Variants in KCNIP4 observed in about 807,000 individuals in gnomAD.
KCNIP4 encodes the protein potassium voltage-gated channel interacting protein 4.
A neutral mutation model predicts 34.0 loss-of-function variants in KCNIP4; 12 were observed. The observed-to-expected ratio is 0.35, with a 90% CI of 0.23 to 0.57. KCNIP4 has a LOEUF of 0.57. KCNIP4 is among the 20% of genes least tolerant of loss of function. The pLI is 0.83. For synonymous variants in KCNIP4, 124 were observed against 102.2 expected (o/e 1.21, Z -1.29); for missense variants, 238 against 311.7 (o/e 0.76, Z 1.78).
intron 1 of KCNIP4, among the ~76,000 whole-genome samples, chr4:21,670,114 A>G (rs1294055004): frequency 6.6e-6 from 1 of 152,144 alleles, no homozygotes; most frequent in Non-Finnish European, 1.5e-5. Context: ...TCTTCGCTTA[A>G]GATTTGCTAC....
chr4:21,816,210 T>C (rs1338616485), intron 1 of KCNIP4, among the ~76,000 whole-genome samples: 2 of 152,144 alleles, frequency 1.3e-5, no homozygotes, highest in African/African-American at 4.8e-5. Flanking sequence ...ACTGCAAAAA[T>C]GTACCCTAAC....
chr4:20,829,960 G>A (rs529557193), intron 3 of KCNIP4, among the ~76,000 whole-genome samples: 33 of 152,164 alleles, frequency 2.2e-4, no homozygotes, highest in African/African-American at 7.0e-4. Context: ...CTCTTCGGAT[G>A]TCTAAGAGAC....
At chr4:21,416,584 G>T (rs1216776503) in intron 1 of KCNIP4, among the ~76,000 whole-genome samples, 1 of 152,128 alleles carries the variant, frequency 6.6e-6, no homozygotes, top group South Asian at 2.1e-4. Flanking sequence ...AAAGGAAAAT[G>T]GTTGGAAGAC....
chr4:21,075,365 T>C (rs548962335), intron 1 of KCNIP4, among the ~76,000 whole-genome samples: 1 of 152,342 alleles, frequency 6.6e-6, no homozygotes, highest in East Asian at 1.9e-4. Flanking sequence ...GCTCTTCTTG[T>C]TGAATTGATC....
intron 1 of KCNIP4, among the ~76,000 whole-genome samples, chr4:21,783,019 AG>A (rs983892370): frequency 1.3e-5 from 2 of 152,172 alleles, no homozygotes. Context: ...GCTGAAAAGG[AG>A]GTGGAGGTAA....
chr4:21,814,051 GT>G (rs895011004), intron 1 of KCNIP4, among the ~76,000 whole-genome samples: 43 of 152,016 alleles, frequency 2.8e-4, no homozygotes, highest in East Asian at 2.5e-3. Context: ...TGTCAAGCCG[GT>G]TTTTTTTAAT....
At chr4:21,409,351 C>CA (rs1415141836) in intron 1 of KCNIP4, among the ~76,000 whole-genome samples, 2 of 152,002 alleles carry the variant, frequency 1.3e-5, no homozygotes. Flanking sequence ...CTCCTGGCCT[C>CA]AAGTGATCCT....
chr4:20,789,836 A>G (rs1023330944), intron 3 of KCNIP4, among the ~76,000 whole-genome samples: 1 of 151,892 alleles, frequency 6.6e-6, no homozygotes, highest in African/African-American at 2.4e-5. Flanking sequence ...TCATGAGCTG[A>G]ATCAATGTTT....
At chr4:21,774,361 C>T (rs1238306437) in intron 1 of KCNIP4, among the ~76,000 whole-genome samples, 1 of 152,006 alleles carries the variant, frequency 6.6e-6, no homozygotes, top group Non-Finnish European at 1.5e-5. Flanking sequence ...CTCTGGCTGC[C>T]CTTAAAAGTT....
At chr4:21,649,303 A>G (rs1747291359) in intron 1 of KCNIP4, among the ~76,000 whole-genome samples, 1 of 152,218 alleles carries the variant, frequency 6.6e-6, no homozygotes, top group South Asian at 2.1e-4. Context: ...TGACAAGTAG[A>G]TGCTATCCAG....
At chr4:21,818,122 G>A (rs1423004303) in intron 1 of KCNIP4, among the ~76,000 whole-genome samples, 15 of 152,084 alleles carry the variant, frequency 9.9e-5, no homozygotes, top group Non-Finnish European at 1.8e-4. Flanking sequence ...TGGTCCTACC[G>A]ATATGTGATG....
At chr4:21,100,408 C>T (rs1747832822) in intron 1 of KCNIP4, among the ~76,000 whole-genome samples, 1 of 152,098 alleles carries the variant, frequency 6.6e-6, no homozygotes, top group South Asian at 2.1e-4. Flanking sequence ...AAAAAATTAG[C>T]AGGGCGTGCT....
At chr4:20,917,415 G>GAAATGTCTGTC (rs1185350924) in intron 1 of KCNIP4, among the ~76,000 whole-genome samples, 1 of 151,908 alleles carries the variant, frequency 6.6e-6, no homozygotes, top group Non-Finnish European at 1.5e-5. Context: ...TCTGTTTTAT[G>GAAATGTCTGTC]AAATGTCTGT....
At chr4:21,671,909 C>A (rs1243712051) in intron 1 of KCNIP4, among the ~76,000 whole-genome samples, 2 of 152,162 alleles carry the variant, frequency 1.3e-5, no homozygotes, top group Non-Finnish European at 2.9e-5. Context: ...GCAAACGCAT[C>A]CCACTAGAAC....
intron 1 of KCNIP4, among the ~76,000 whole-genome samples, chr4:21,485,764 A>G (rs1267874694): frequency 2.0e-5 from 3 of 152,184 alleles, no homozygotes; most frequent in African/African-American, 7.2e-5. Context: ...GTCATTGTTT[A>G]TCACATTTCT....
chr4:20,964,799 T>C (rs147369498), intron 1 of KCNIP4, among the ~76,000 whole-genome samples: 57 of 152,268 alleles, frequency 3.7e-4, no homozygotes, highest in African/African-American at 1.3e-3. Context: ...TATGGAGTAA[T>C]TGGTGATGAG....
At chr4:21,647,871 T>C (rs1029534428) in intron 1 of KCNIP4, among the ~76,000 whole-genome samples, 13 of 135,530 alleles carry the variant, frequency 9.6e-5, no homozygotes, top group Non-Finnish European at 1.4e-4. Flanking sequence ...TGCTTTTTTT[T>C]TTTTTTTTTT....
At chr4:21,462,807 ATG>A (rs1729585085) in intron 1 of KCNIP4, among the ~76,000 whole-genome samples, 1 of 122,106 alleles carries the variant, frequency 8.2e-6, no homozygotes, top group East Asian at 2.5e-4. Context: ...GTGTGTGTGT[ATG>A]TGTGTCTATG....
intron 1 of KCNIP4, among the ~76,000 whole-genome samples, chr4:21,376,444 A>G (rs528015491): frequency 1.1e-3 from 160 of 152,340 alleles, no homozygotes; most frequent in Non-Finnish European, 2.0e-3. Flanking sequence ...ACATAGCCAG[A>G]TCTTTCAGTA....
Sources: gnomAD v4.1 joint callset for allele counts (sites outside exome capture counted in the v4.1 genomes callset) on GRCh38, gnomAD v4.1.1 for gene constraint, MANE v1.5 for transcripts, NCBI Gene and HGNC (gene_info 2026-07-23, HGNC 2026-07-21) for gene names.